The following TTLL7 variants were observed in gnomAD, a reference collection of about 807,000 sequenced individuals.
TTLL7 encodes tubulin tyrosine ligase like 7.
Under a neutral mutation model 120.2 loss-of-function variants are expected in TTLL7, and 53 were observed. The ratio of observed to expected loss-of-function variants is 0.44; its 90% CI spans 0.35 to 0.55. TTLL7 has a LOEUF of 0.55. Ranked by LOEUF, TTLL7 falls within the 20% of genes least tolerant of loss-of-function variation. The probability of loss-of-function intolerance (pLI) is 0.00; values close to 1 mark genes in which losing one functional copy is unlikely to be tolerated. For synonymous variants in TTLL7, 353 were observed against 351.7 expected (o/e 1.00, Z -0.04); for missense variants, 803 against 1,054.7 (o/e 0.76, Z 3.31).
intron 1 of TTLL7, among the ~76,000 whole-genome samples, chr1:83,968,586 A>G (rs1650692549): frequency 6.6e-6 from 1 of 152,136 alleles, no homozygotes; most frequent in East Asian, 1.9e-4. Flanking sequence ...AAAGTCACCT[A>G]GGATACTGAC....
At chr1:83,982,962 AT>A (rs1406227032) in intron 1 of TTLL7, among the ~76,000 whole-genome samples, 1 of 152,192 alleles carries the variant, frequency 6.6e-6, no homozygotes, top group Admixed American at 6.5e-5. Context: ...ACAAAGACCA[AT>A]GGAACAGAAC....
intron 4 of TTLL7, 90 bp downstream of exon 4, chr1:83,949,775 A>T: frequency 7.0e-7 from 1 of 1,429,764 alleles, no homozygotes; most frequent in East Asian, 2.3e-5. Context: ...AAATGTAATA[A>T]GGCAACATAT....
intron 1 of TTLL7, among the ~76,000 whole-genome samples, chr1:83,969,648 G>C (rs1650797341): frequency 6.6e-6 from 1 of 151,952 alleles, no homozygotes; most frequent in Non-Finnish European, 1.5e-5. Context: ...AATCAATCCT[G>C]ATAAAATTGT....
chr1:83,980,374 C>G (rs1340910212), intron 1 of TTLL7: 1 of 152,198 alleles, frequency 6.6e-6, no homozygotes, highest in Non-Finnish European at 1.5e-5. Context: ...AAGGAATCCT[C>G]CCACCTCAAC....
chr1:83,969,197 T>C (rs1332749980), intron 1 of TTLL7, among the ~76,000 whole-genome samples: 3 of 151,796 alleles, frequency 2.0e-5, no homozygotes, highest in Non-Finnish European at 2.9e-5. Context: ...ATAGAGTAAT[T>C]TGGTAAAAAA....
chr1:83,906,917 A>G (rs1425528142), intron 16 of TTLL7, among the ~76,000 whole-genome samples: 1 of 152,092 alleles, frequency 6.6e-6, no homozygotes, highest in African/African-American at 2.4e-5. Flanking sequence ...CTATTTGAGC[A>G]TCTAAAAGTA....
At chr1:83,996,409 T>A (rs530915779) in intron 1 of TTLL7, among the ~76,000 whole-genome samples, 11 of 152,190 alleles carry the variant, frequency 7.2e-5, no homozygotes, top group African/African-American at 2.7e-4. Flanking sequence ...TCTTTCACCA[T>A]GTATCCAAAC....
intron 20 of TTLL7, among the ~76,000 whole-genome samples, chr1:83,877,954 T>G (rs1391827157): frequency 6.6e-6 from 1 of 151,906 alleles, no homozygotes; most frequent in African/African-American, 2.4e-5. Context: ...TATATTCATT[T>G]AAATCTATAA....
chr1:83,976,918 T>C (rs574834954), intron 1 of TTLL7, among the ~76,000 whole-genome samples: 1 of 152,102 alleles, frequency 6.6e-6, no homozygotes, highest in Non-Finnish European at 1.5e-5. Flanking sequence ...CAACCACTGA[T>C]TCTCTCTTAA....
chr1:83,923,473 T>G (rs992895153), intron 10 of TTLL7, among the ~76,000 whole-genome samples: 6 of 151,524 alleles, frequency 4.0e-5, no homozygotes, highest in Non-Finnish European at 7.4e-5. Context: ...TAAACACAGA[T>G]CTATATGAAT....
At chr1:83,968,159 A>G (rs1005114784) in intron 1 of TTLL7, among the ~76,000 whole-genome samples, 1 of 152,056 alleles carries the variant, frequency 6.6e-6, no homozygotes, top group Non-Finnish European at 1.5e-5. Flanking sequence ...GGGCTTATAA[A>G]AACAATAACA....
At chr1:83,975,697 T>C (rs1300867118) in intron 1 of TTLL7, among the ~76,000 whole-genome samples, 1 of 152,048 alleles carries the variant, frequency 6.6e-6, no homozygotes, top group African/African-American at 2.4e-5. Flanking sequence ...TTTCCAACCA[T>C]CTTGAAACCG....
intron 19 of TTLL7, chr1:83,887,245 C>G (rs1435746532): frequency 8.1e-7 from 1 of 1,231,288 alleles, no homozygotes; most frequent in Non-Finnish European, 1.0e-6. Flanking sequence ...TGGATATAAT[C>G]AAACACTTGG....
chr1:83,876,290 C>G (rs567713692), intron 20 of TTLL7, among the ~76,000 whole-genome samples: 4 of 151,804 alleles, frequency 2.6e-5, no homozygotes, highest in African/African-American at 9.6e-5. Flanking sequence ...ATTTGTCTAT[C>G]CTTTTTGCCA....
intron 15 of TTLL7, among the ~76,000 whole-genome samples, chr1:83,910,565 C>T (rs1482523364): frequency 2.6e-5 from 4 of 151,900 alleles, no homozygotes; most frequent in African/African-American, 9.7e-5. Flanking sequence ...GAAATACAGA[C>T]AGAAGGAGAG....
At chr1:83,950,914 C>A (rs1012112305) in intron 3 of TTLL7, among the ~76,000 whole-genome samples, 2 of 152,090 alleles carry the variant, frequency 1.3e-5, no homozygotes, top group African/African-American at 4.8e-5. Flanking sequence ...ACCTGGCTCA[C>A]AAGCAGAAAA....
At chr1:83,932,620 T>C (rs1326623797) in intron 9 of TTLL7, among the ~76,000 whole-genome samples, 1 of 152,068 alleles carries the variant, frequency 6.6e-6, no homozygotes, top group Non-Finnish European at 1.5e-5. Flanking sequence ...AAAAGTGTCA[T>C]TTCTTTGAAA....
At chr1:83,953,111 T>C (rs1020850654) in intron 1 of TTLL7, among the ~76,000 whole-genome samples, 1 of 152,190 alleles carries the variant, frequency 6.6e-6, no homozygotes, top group African/African-American at 2.4e-5. Context: ...ATTATGATGA[T>C]TTTATTCAGG....
intron 1 of TTLL7, among the ~76,000 whole-genome samples, chr1:83,971,361 T>C (rs972876157): frequency 6.6e-6 from 1 of 152,112 alleles, no homozygotes. Context: ...ATCTAGTTTC[T>C]ATGTGGAGGA....
Sources: allele counts gnomAD v4.1 joint callset (sites outside exome capture counted in the v4.1 genomes callset), GRCh38; gene constraint gnomAD v4.1.1; transcripts MANE v1.5; gene names NCBI Gene and HGNC (gene_info 2026-07-23, HGNC 2026-07-21).